Variants in CSMD1 observed in about 807,000 individuals in gnomAD.
CSMD1 encodes the protein CUB and sushi domain-containing protein 1.
CSMD1 carries 213 observed loss-of-function variants against 417.5 expected under a neutral mutation model. The observed-to-expected ratio is 0.51, with a 90% CI of 0.46 to 0.57. The LOEUF (loss-of-function observed/expected upper bound fraction) is 0.57. Among genes scored for constraint, CSMD1 ranks in the 20% least tolerant of loss-of-function variants. The pLI is 0.00. For missense variants in CSMD1, 6,923 were observed against 4,529.7 expected, an observed-to-expected ratio of 1.53 and a Z score of -15.17; for synonymous variants, 2,862 against 1,736.8, an observed-to-expected ratio of 1.65 and a Z score of -16.11.
intron 2 of CSMD1, among the ~76,000 whole-genome samples, chr8:4,458,293 C>T (rs1002863953): frequency 2.0e-5 from 3 of 152,040 alleles, no homozygotes; most frequent in Admixed American, 1.3e-4. Context: ...AAATATCTTT[C>T]TCCCTCTTTT....
chr8:3,603,556 T>A (rs768887923), intron 8 of CSMD1, among the ~76,000 whole-genome samples: 1 of 152,194 alleles, frequency 6.6e-6, no homozygotes, highest in African/African-American at 2.4e-5. Context: ...AGAAATAAGA[T>A]CATGTTTGAG....
chr8:4,315,702 A>G (rs1240686593), intron 3 of CSMD1, among the ~76,000 whole-genome samples: 2 of 152,216 alleles, frequency 1.3e-5, no homozygotes, highest in African/African-American at 4.8e-5. Context: ...CATTGAAGTC[A>G]TATTTGTAGG....
intron 10 of CSMD1, among the ~76,000 whole-genome samples, chr8:3,507,833 G>A (rs77139339): frequency 0.11 from 16,934 of 152,072 alleles, 1,181 homozygotes; most frequent in African/African-American, 0.19. Context: ...CATATCCTTT[G>A]CCCACTTTTT....
intron 5 of CSMD1, among the ~76,000 whole-genome samples, chr8:3,991,734 T>G (rs1054018032): frequency 6.6e-6 from 1 of 152,136 alleles, no homozygotes; most frequent in South Asian, 2.1e-4. Flanking sequence ...TGTTTTGAAA[T>G]TAGCGATGAA....
intron 11 of CSMD1, among the ~76,000 whole-genome samples, chr8:3,489,512 A>T (rs1316849476): frequency 6.6e-6 from 1 of 152,194 alleles, no homozygotes; most frequent in African/African-American, 2.4e-5. Flanking sequence ...CACAAATCAA[A>T]TTCGAGAACA....
chr8:4,189,915 T>C (rs1260790599), intron 3 of CSMD1, among the ~76,000 whole-genome samples: 1 of 151,538 alleles, frequency 6.6e-6, no homozygotes, highest in Non-Finnish European at 1.5e-5. Context: ...ATCTGTACTC[T>C]TTTGCATATT....
chr8:3,543,702 G>C (rs927648747), intron 10 of CSMD1, among the ~76,000 whole-genome samples: 5 of 152,042 alleles, frequency 3.3e-5, no homozygotes, highest in Non-Finnish European at 7.4e-5. Context: ...GTTTTGTAGA[G>C]GAGACCCAGA....
chr8:4,487,999 C>T (rs756438305), intron 2 of CSMD1, among the ~76,000 whole-genome samples: 3 of 152,146 alleles, frequency 2.0e-5, no homozygotes, highest in Non-Finnish European at 4.4e-5. Context: ...TAAGGTGATG[C>T]TATTATGAGA....
chr8:4,300,225 A>C (rs1007968773), intron 3 of CSMD1, among the ~76,000 whole-genome samples: 2 of 152,246 alleles, frequency 1.3e-5, no homozygotes, highest in African/African-American at 4.8e-5. Context: ...CAGTTTTGAT[A>C]ATGTATAAAG....
intron 11 of CSMD1, among the ~76,000 whole-genome samples, chr8:3,481,510 C>T (rs1250552112): frequency 6.6e-6 from 1 of 152,180 alleles, no homozygotes; most frequent in African/African-American, 2.4e-5. Context: ...AATGGCCTCA[C>T]TCCTGTCCAA....
chr8:4,282,981 T>A (rs1350133402), intron 3 of CSMD1, among the ~76,000 whole-genome samples: 2 of 152,206 alleles, frequency 1.3e-5, no homozygotes, highest in Admixed American at 1.3e-4. Context: ...TTACTATTTC[T>A]ACTGCACATT....
intron 3 of CSMD1, among the ~76,000 whole-genome samples, chr8:4,081,311 C>T (rs1046649103): frequency 6.6e-6 from 1 of 152,140 alleles, no homozygotes; most frequent in Non-Finnish European, 1.5e-5. Context: ...TCTATGGTCC[C>T]CTCCCACGTT....
At chr8:4,448,494 C>T (rs1417679324) in intron 2 of CSMD1, among the ~76,000 whole-genome samples, 1 of 152,160 alleles carries the variant, frequency 6.6e-6, no homozygotes. Context: ...AGAAAGGAAG[C>T]TCAGTCATTT....
intron 5 of CSMD1, among the ~76,000 whole-genome samples, chr8:3,862,609 A>G (rs1352476020): frequency 6.6e-6 from 1 of 152,214 alleles, no homozygotes; most frequent in African/African-American, 2.4e-5. Context: ...ATACATGGCC[A>G]TACTATATTT....
intron 1 of CSMD1, among the ~76,000 whole-genome samples, chr8:4,740,397 C>A (rs1810527283): frequency 6.6e-6 from 1 of 151,996 alleles, no homozygotes; most frequent in African/African-American, 2.4e-5. Flanking sequence ...GAGGAAATAG[C>A]AGCCTCTATT....
intron 38 of CSMD1, among the ~76,000 whole-genome samples, chr8:3,159,205 C>A (rs562191317): frequency 8.5e-5 from 13 of 152,200 alleles, no homozygotes; most frequent in Non-Finnish European, 1.6e-4. Context: ...CAGAGACTAC[C>A]AATAAAATGG....
At chr8:4,603,483 A>G (rs1350716035) in intron 2 of CSMD1, among the ~76,000 whole-genome samples, 1 of 152,156 alleles carries the variant, frequency 6.6e-6, no homozygotes, top group Non-Finnish European at 1.5e-5. Context: ...TTCCATAAAT[A>G]ATAAAGGTAA....
At chr8:4,295,383 C>T (rs529098458) in intron 3 of CSMD1, among the ~76,000 whole-genome samples, 31 of 142,858 alleles carry the variant, frequency 2.2e-4, no homozygotes, top group African/African-American at 7.3e-4. Flanking sequence ...TCTTATTATA[C>T]ACATATAATC....
intron 2 of CSMD1, among the ~76,000 whole-genome samples, chr8:4,583,832 C>T (rs904986079): frequency 3.3e-5 from 5 of 152,106 alleles, no homozygotes; most frequent in Non-Finnish European, 5.9e-5. Flanking sequence ...GCAACCCACT[C>T]GTGTCCCCTT....
Sources: gnomAD v4.1 joint callset for allele counts (sites outside exome capture counted in the v4.1 genomes callset) on GRCh38, gnomAD v4.1.1 for gene constraint, MANE v1.5 for transcripts, NCBI Gene and HGNC (gene_info 2026-07-23, HGNC 2026-07-21) for gene names.